ECT2L: variants seen among roughly 807,000 people sequenced by gnomAD.
ECT2L encodes the protein epithelial cell-transforming sequence 2 oncogene-like.
A neutral mutation model predicts 122.8 loss-of-function variants in ECT2L; 126 were observed. The observed-to-expected ratio is 1.03, with a 90% confidence interval of 0.89 to 1.19. The LOEUF (loss-of-function observed/expected upper bound fraction) is 1.19, where lower values mean the gene tolerates loss of function less well. Among genes scored for constraint, ECT2L ranks in the 50% most tolerant of loss-of-function variants. The pLI, the probability that ECT2L is intolerant of heterozygous loss-of-function variation, is 0.00. For missense variants in ECT2L, 1,012 were observed against 1,064.1 expected, an observed-to-expected ratio of 0.95 and a Z score of 0.68; for synonymous variants, 385 against 381.8, an observed-to-expected ratio of 1.01 and a Z score of -0.10.
intron 4 of ECT2L, 119 bp from the exon 5 acceptor site, chr6:138,838,233 G>T: frequency 2.0e-6 from 2 of 1,009,898 alleles, no homozygotes; most frequent in Non-Finnish European, 2.7e-6. Flanking sequence ...TTTATGTTTT[G>T]TTAGGATTTA....
chr6:138,897,349 CAAAT>C (rs906015151), intron 20 of ECT2L, among the ~76,000 whole-genome samples: 14 of 151,970 alleles, frequency 9.2e-5, no homozygotes, highest in African/African-American at 2.2e-4. Context: ...ATTAAAAAAA[CAAAT>C]AAAAACCTCA....
intron 20 of ECT2L, among the ~76,000 whole-genome samples, chr6:138,895,455 T>G (rs1733571357): frequency 2.6e-5 from 4 of 152,144 alleles, no homozygotes; most frequent in Admixed American, 2.6e-4. Context: ...TAGAACCAGG[T>G]CTCCCAGTGC....
At chr6:138,813,398 A>G in intron 3 of ECT2L, 58 bp downstream of exon 3, 1 of 1,336,816 alleles carries the variant, frequency 7.5e-7, no homozygotes, top group Non-Finnish European at 1.0e-6. Context: ...TTTTCCTGTG[A>G]TATATTGGGT....
intron 13 of ECT2L, among the ~76,000 whole-genome samples, chr6:138,874,663 T>A (rs1261507772): frequency 6.6e-6 from 1 of 152,172 alleles, no homozygotes; most frequent in African/African-American, 2.4e-5. Context: ...TCAGGTGATC[T>A]CCCAGAGAAA....
At chr6:138,834,124 T>C (rs1380192641) in intron 4 of ECT2L, among the ~76,000 whole-genome samples, 2 of 152,242 alleles carry the variant, frequency 1.3e-5, no homozygotes, top group African/African-American at 4.8e-5. Flanking sequence ...GTACACATTG[T>C]ACATTCAGTG....
Position 138,896,091 on chromosome 6 carries a change from A to AGTTTTTT in ECT2L, c.2415-4857_2415-4856insGTTTTTT, listed in dbSNP as rs1255944186. On this transcript the variant is annotated intron_variant, in intron 20 of 21. Transcript: ENST00000541398. ...TCATAAACACTGATTTTCATTGCTGAATTTTTTTTTTTTTTTCCTTAATGA... is the reference window on the plus strand; with the variant it reads ...TCATAAACACTGATTTTCATTGCTGAGTTTTTTATTTTTTTTTTTTTTTCCTTAATGA... 3.2e-4 allele frequency among the ~76,000 whole-genome samples: 45 copies of AGTTTTTT among 141,956 alleles called. 1 individual carries two copies. The highest frequency in any genetic ancestry group is 1.0e-3 in the African/African-American group (37 of 36,158). The allele number at this position is 141,956 out of a possible 152,430, so 93.1% of individuals were successfully genotyped here. A position where few individuals can be genotyped will look rare whatever the true frequency, so the allele number is the denominator to read the frequency against.
chr6:138,832,952 G>T (rs1423182725), intron 4 of ECT2L, among the ~76,000 whole-genome samples: 1 of 152,030 alleles, frequency 6.6e-6, no homozygotes, highest in African/African-American at 2.4e-5. Flanking sequence ...AGTTCTGCAT[G>T]GGTTGGGGGG....
intron 20 of ECT2L, among the ~76,000 whole-genome samples, chr6:138,895,200 C>G (rs1389405093): frequency 6.6e-6 from 1 of 152,078 alleles, no homozygotes; most frequent in Admixed American, 6.5e-5. Context: ...ACATAAAACC[C>G]AAGGAATGCC....
At chr6:138,872,446 C>T (rs1014324837) in intron 13 of ECT2L, among the ~76,000 whole-genome samples, 5 of 152,276 alleles carry the variant, frequency 3.3e-5, no homozygotes, top group Middle Eastern at 3.4e-3. Context: ...ACAGAACGCA[C>T]GGGCTGGGAT....
chr6:138,864,955 G>C, intron 11 of ECT2L, 41 bp from the exon 12 acceptor site: 1 of 1,573,594 alleles, frequency 6.4e-7, no homozygotes, highest in Non-Finnish European at 8.7e-7. Flanking sequence ...TGTTTCATCT[G>C]AGCTCAAGCC....
chr6:138,887,022 T>C, intron 19 of ECT2L, 100 bp downstream of exon 19: 1 of 930,060 alleles, frequency 1.1e-6, no homozygotes, highest in Admixed American at 2.0e-5. Context: ...CTAGTATTTG[T>C]GGAATGCCTG....
chr6:138,816,726 C>T (rs141879813), intron 4 of ECT2L, among the ~76,000 whole-genome samples: 1 of 152,188 alleles, frequency 6.6e-6, no homozygotes, highest in Admixed American at 6.5e-5. Flanking sequence ...ATCTCATGAT[C>T]TGCCTGCCTC....
chr6:138,852,281 C>A (rs865954310), intron 9 of ECT2L, among the ~76,000 whole-genome samples: 1 of 151,998 alleles, frequency 6.6e-6, no homozygotes, highest in Non-Finnish European at 1.5e-5. Context: ...CAAAAACAAA[C>A]CAAAAACCCC....
At chr6:138,888,197 T>TCA (rs34469875) in intron 19 of ECT2L, among the ~76,000 whole-genome samples, 13,399 of 152,096 alleles carry the variant, frequency 0.088, 1,232 homozygotes, top group African/African-American at 0.23. Flanking sequence ...TTCTTGAAAC[T>TCA]CAGAGTCTAC....
intron 21 of ECT2L, among the ~76,000 whole-genome samples, chr6:138,901,351 T>G (rs1195393266): frequency 1.3e-5 from 2 of 152,258 alleles, no homozygotes; most frequent in African/African-American, 4.8e-5. Context: ...GAAAACAGCT[T>G]TCAAAAATCA....
At chr6:138,869,914 C>A (rs926131309) in intron 13 of ECT2L, among the ~76,000 whole-genome samples, 1 of 152,086 alleles carries the variant, frequency 6.6e-6, no homozygotes, top group Non-Finnish European at 1.5e-5. Flanking sequence ...TTGAGAGACC[C>A]TCCCATAAAA....
intron 4 of ECT2L, among the ~76,000 whole-genome samples, chr6:138,836,344 A>G (rs887169415): frequency 6.9e-6 from 1 of 145,828 alleles, no homozygotes. Flanking sequence ...GCTGGAGTAC[A>G]GTGGCGCGAT....
intron 1 of ECT2L, among the ~76,000 whole-genome samples, chr6:138,805,621 A>G (rs1418035629): frequency 6.6e-6 from 1 of 152,168 alleles, no homozygotes; most frequent in Non-Finnish European, 1.5e-5. Flanking sequence ...TGAAATATCC[A>G]AGATGACTTC....
rs34393243 is a variant in ECT2L at position 138,878,306 on chromosome 6, T to TAC, written c.1665+1774_1665+1775dup. Among the ~76,000 whole-genome samples the TAC allele has an allele frequency of 7.0e-3, 1,048 of 150,322 alleles. 12 individuals carry two copies. Among genetic ancestry groups the TAC allele is most frequent in the African/African-American group, 0.023 (954 of 40,818 alleles). On this transcript the variant is annotated intron_variant, in intron 14 of 21. Coordinates refer to ENST00000541398, the MANE Select transcript of ECT2L (RefSeq NM_001077706.3). ...GCAAGGATTTAGATACATATATATA[T>TAC]ACACACACACACACACACACACACA... is the stretch of plus-strand genomic sequence containing the variant.
Sources: allele counts gnomAD v4.1 joint callset (sites outside exome capture counted in the v4.1 genomes callset), GRCh38; gene constraint gnomAD v4.1.1; transcripts MANE v1.5; gene names NCBI Gene and HGNC (gene_info 2026-07-23, HGNC 2026-07-21).